AGFG1: variants seen among roughly 807,000 people sequenced by gnomAD.
AGFG1 encodes arf-GAP domain and FG repeat-containing protein 1.
Under a neutral mutation model 60.6 loss-of-function variants are expected in AGFG1, and 10 were observed. The ratio of observed to expected loss-of-function variants is 0.16; its 90% CI spans 0.10 to 0.28. The LOEUF is 0.28. Ranked by LOEUF, AGFG1 falls within the 10% of genes least tolerant of loss-of-function variation. The probability of loss-of-function intolerance (pLI) is 1.00; values close to 1 mark genes in which losing one functional copy is unlikely to be tolerated. For synonymous variants in AGFG1, 247 were observed against 242.9 expected, an observed-to-expected ratio of 1.02 and a Z score of -0.16; for missense variants, 537 against 676.5, an observed-to-expected ratio of 0.79 and a Z score of 2.29.
In AGFG1 at chr2:227,560,513, A is replaced by T. The variant is rs1236477343; in HGVS notation, c.*6018A>T. On this transcript the variant is annotated 3_prime_UTR_variant, in exon 13 of 13. Transcript: ENST00000310078. Reference sequence around the variant, plus strand: ...AGACAGTCCATTGAAAGATTGTGGAAGTTCACATCTATTTTGCACCTTAAT... The same window carrying T: ...AGACAGTCCATTGAAAGATTGTGGATGTTCACATCTATTTTGCACCTTAAT... 1 of 152,118 alleles carries T rather than the reference A, an allele frequency of 6.6e-6. No individual in the cohort carries two copies. The highest frequency in any genetic ancestry group is 1.5e-5 in the Non-Finnish European group (1 of 67,962). 9.4% of individuals were successfully genotyped at this position (152,118 alleles called of 1,614,324 possible).
rs36152184 is a variant in AGFG1, at chr2:227,481,099, C to CTTTTTTTTT, written c.167+8527_167+8535dup. Among the ~76,000 whole-genome samples the CTTTTTTTTT allele has an allele frequency of 6.3e-3, 475 of 75,706 alleles. 1 individual carries two copies. Among genetic ancestry groups the CTTTTTTTTT allele is most frequent in the Non-Finnish European group, 6.9e-3 (292 of 42,168 alleles). 49.7% of individuals were successfully genotyped at this position (75,706 alleles called of 152,430 possible). A position where few individuals can be genotyped will look rare whatever the true frequency, so the allele number is the denominator to read the frequency against. On this transcript the variant is annotated intron_variant, in intron 1 of 12. Coordinates refer to ENST00000310078, the MANE Select transcript of AGFG1 (RefSeq NM_004504.5). The stretch of plus-strand genomic sequence containing the variant: ...TAGGTCTTTTGTTCAGTGTTTTAGG[C>CTTTTTTTTT]TTTTTTTTTTTTTTTTTTTTTTTTG...
Position 227,555,195 on chromosome 2 carries a change from C to T in AGFG1, c.*700C>T, listed in dbSNP as rs1439067411. 1.3e-5 allele frequency: 2 copies of T among 152,560 alleles called. No homozygotes were observed. Among genetic ancestry groups the T allele is most frequent in the African/African-American group, 4.8e-5 (2 of 41,452 alleles). The allele number at this position is 152,560 out of a possible 1,614,324, so 9.5% of individuals were successfully genotyped here. On this transcript the variant is annotated 3_prime_UTR_variant, in exon 13 of 13. Coordinates refer to ENST00000310078, the MANE Select transcript of AGFG1 (RefSeq NM_004504.5). ...TTAAATATGAGTAGTGAATTGAGAA[C>T]ATCTTGAATTCTTAAAAGACTTCTT...
chr2:227,541,324 T>G (rs1279258770), intron 10 of AGFG1, among the ~76,000 whole-genome samples: 1 of 152,340 alleles, frequency 6.6e-6, no homozygotes, highest in East Asian at 1.9e-4. Context: ...TTTTATGGTT[T>G]TAGGTCTAAC....
chr2:227,481,099 C>CTTTTTTTTTTTTTTT (rs36152184), intron 1 of AGFG1, among the ~76,000 whole-genome samples: 1 of 75,724 alleles, frequency 1.3e-5, no homozygotes, highest in Non-Finnish European at 2.4e-5. Context: ...GTGTTTTAGG[C>CTTTTTTTTTTTTTTT]TTTTTTTTTT....
intron 1 of AGFG1, among the ~76,000 whole-genome samples, chr2:227,485,631 AT>A (rs1275282619): frequency 6.6e-6 from 1 of 152,034 alleles, no homozygotes; most frequent in East Asian, 1.9e-4. Context: ...TCTGAAAAAA[AT>A]CTCAGTCATT....
Position 227,555,721 on chromosome 2 carries a change from T to G in AGFG1, c.*1226T>G, listed in dbSNP as rs1054546956. On this transcript the variant is annotated 3_prime_UTR_variant, in exon 13 of 13. Transcript: ENST00000310078. ...TTTGTTAATATTCAAATGAACTTGT[T>G]TAAGTATCTATGTACAGTAATGCCT... 2.6e-5 allele frequency: 4 copies of G among 152,540 alleles called. No individual in the cohort carries two copies. Among genetic ancestry groups the G allele is most frequent in the African/African-American group, 9.7e-5 (4 of 41,450 alleles). 9.4% of individuals were successfully genotyped at this position (152,540 alleles called of 1,614,324 possible). A position where few individuals can be genotyped will look rare whatever the true frequency, so the allele number is the denominator to read the frequency against.
chr2:227,524,415 G>A (rs771706118), intron 4 of AGFG1, among the ~76,000 whole-genome samples: 3 of 152,062 alleles, frequency 2.0e-5, no homozygotes, highest in African/African-American at 4.8e-5. Context: ...GAACAAAATG[G>A]AATATTTTCA....
At chr2:227,545,045 CAG>C (rs1692605230) in intron 10 of AGFG1, among the ~76,000 whole-genome samples, 2 of 152,194 alleles carry the variant, frequency 1.3e-5, no homozygotes, top group Admixed American at 6.5e-5. Flanking sequence ...TAATATCCTG[CAG>C]AGTGTTTTCC....
At chr2:227,522,795 C>T (rs778974627) in intron 3 of AGFG1, among the ~76,000 whole-genome samples, 1 of 152,198 alleles carries the variant, frequency 6.6e-6, no homozygotes, top group Non-Finnish European at 1.5e-5. Flanking sequence ...CATAATCCCA[C>T]ACCTAGAGGT....
At chr2:227,524,391 T>G (rs1389465898) in intron 4 of AGFG1, among the ~76,000 whole-genome samples, 2 of 152,216 alleles carry the variant, frequency 1.3e-5, no homozygotes, top group Admixed American at 6.5e-5. Flanking sequence ...GCATTATACC[T>G]TATTCTTAAA....
intron 6 of AGFG1, among the ~76,000 whole-genome samples, chr2:227,531,698 G>C (rs2106218563): frequency 6.6e-6 from 1 of 151,472 alleles, no homozygotes; most frequent in South Asian, 2.1e-4. Context: ...CTCCCACAGT[G>C]CTGGGATTAC....
At chr2:227,509,294 A>G (rs999461865) in intron 2 of AGFG1, among the ~76,000 whole-genome samples, 2 of 152,182 alleles carry the variant, frequency 1.3e-5, no homozygotes, top group Non-Finnish European at 2.9e-5. Context: ...AGGAAGAGAC[A>G]TACCACCAAA....
intron 4 of AGFG1, 134 bp from the exon 5 acceptor site, chr2:227,524,627 GA>G: frequency 2.2e-6 from 2 of 903,174 alleles, no homozygotes; most frequent in Non-Finnish European, 3.3e-6. Context: ...AAGATTGAGT[GA>G]AAAATGAGAA....
chr2:227,527,293 C>T (rs1257947720), intron 5 of AGFG1, among the ~76,000 whole-genome samples: 1 of 152,020 alleles, frequency 6.6e-6, no homozygotes, highest in East Asian at 1.9e-4. Context: ...AAGTGGTTTA[C>T]CATCTAAAAG....
chr2:227,486,715 A>G (rs1690649955), intron 1 of AGFG1, among the ~76,000 whole-genome samples: 2 of 152,212 alleles, frequency 1.3e-5, no homozygotes, highest in Non-Finnish European at 2.9e-5. Context: ...GGTAGAGTTT[A>G]TATCTTAGTA....
At chr2:227,490,495 G>A (rs112063780) in intron 1 of AGFG1, among the ~76,000 whole-genome samples, 8,212 of 151,274 alleles carry the variant, frequency 0.054, 296 homozygotes, top group African/African-American at 0.091. Flanking sequence ...GGAGAATGGC[G>A]TGAACCCGGG....
chr2:227,483,451 C>T (rs983219634), intron 1 of AGFG1, among the ~76,000 whole-genome samples: 1 of 152,136 alleles, frequency 6.6e-6, no homozygotes, highest in Non-Finnish European at 1.5e-5. Flanking sequence ...CAAATTAGAA[C>T]ATGCAAGTTT....
chr2:227,489,181 C>T (rs911905257), intron 1 of AGFG1, among the ~76,000 whole-genome samples: 10 of 146,932 alleles, frequency 6.8e-5, no homozygotes, highest in African/African-American at 2.0e-4. Flanking sequence ...AAGGTACTTG[C>T]AAGTTACTAC....
At chr2:227,477,491 A>T (rs537895573) in intron 1 of AGFG1, among the ~76,000 whole-genome samples, 1 of 152,214 alleles carries the variant, frequency 6.6e-6, no homozygotes, top group Non-Finnish European at 1.5e-5. Context: ...TCCACCACCA[A>T]AGAATGTATG....
Sources: gnomAD v4.1 joint callset for allele counts (sites outside exome capture counted in the v4.1 genomes callset) on GRCh38, gnomAD v4.1.1 for gene constraint, MANE v1.5 for transcripts, NCBI Gene and HGNC (gene_info 2026-07-23, HGNC 2026-07-21) for gene names.